Variants in RGS7 observed in about 807,000 individuals in gnomAD.
RGS7 encodes the protein regulator of G protein signaling 7, also known as regulator of G-protein signaling 7.
In RGS7, 27 loss-of-function variants were observed where a neutral mutation model predicts 81.1. The observed-to-expected ratio is 0.33, with a 90% CI of 0.25 to 0.46. The LOEUF is 0.46. RGS7 is among the 20% of genes least tolerant of loss of function. The probability of loss-of-function intolerance (pLI) is 1.00; values close to 1 mark genes in which losing one functional copy is unlikely to be tolerated. For missense variants in RGS7, 396 were observed against 607.4 expected (o/e 0.65, Z 3.66); for synonymous variants, 208 against 207.7 (o/e 1.00, Z -0.01).
intron 3 of RGS7, among the ~76,000 whole-genome samples, chr1:241,022,065 A>T (rs919613200): frequency 6.6e-6 from 1 of 152,218 alleles, no homozygotes; most frequent in African/African-American, 2.4e-5. Flanking sequence ...CGATGACAAT[A>T]TTATCTGCCA....
At chr1:241,119,442 AG>A (rs2066094820) in intron 2 of RGS7, among the ~76,000 whole-genome samples, 1 of 152,238 alleles carries the variant, frequency 6.6e-6, no homozygotes, top group Non-Finnish European at 1.5e-5. Context: ...AAAACTCCAC[AG>A]GTAGTAGTCA....
intron 6 of RGS7, among the ~76,000 whole-genome samples, chr1:240,915,049 C>T (rs1205499603): frequency 1.3e-5 from 2 of 152,190 alleles, no homozygotes; most frequent in Non-Finnish European, 2.9e-5. Flanking sequence ...CTTTTACTTC[C>T]AGGAGCCCTA....
intron 4 of RGS7, among the ~76,000 whole-genome samples, chr1:240,965,363 G>GC (rs1197022030): frequency 6.6e-6 from 1 of 152,138 alleles, no homozygotes; most frequent in Non-Finnish European, 1.5e-5. Flanking sequence ...CAGTTTGCTT[G>GC]CATCTTTTTC....
intron 3 of RGS7, among the ~76,000 whole-genome samples, chr1:241,008,384 C>A (rs2058784006): frequency 6.6e-6 from 1 of 152,098 alleles, no homozygotes; most frequent in African/African-American, 2.4e-5. Context: ...TTGTTAAAAT[C>A]TTGTTCAGAT....
At chr1:240,874,035 T>A (rs1664937444) in intron 6 of RGS7, among the ~76,000 whole-genome samples, 1 of 152,142 alleles carries the variant, frequency 6.6e-6, no homozygotes, top group Non-Finnish European at 1.5e-5. Flanking sequence ...GAACCTTCCT[T>A]AATGAGATTA....
At chr1:241,254,916 C>A (rs2076993688) in intron 2 of RGS7, among the ~76,000 whole-genome samples, 1 of 152,104 alleles carries the variant, frequency 6.6e-6, no homozygotes, top group African/African-American at 2.4e-5. Flanking sequence ...GCTGAAACAC[C>A]CACTACATAG....
chr1:241,197,632 T>C (rs187865985), intron 2 of RGS7, among the ~76,000 whole-genome samples: 13 of 151,992 alleles, frequency 8.6e-5, no homozygotes, highest in Admixed American at 6.6e-4. Context: ...TCCATAATGA[T>C]AGAACAGTCA....
At chr1:241,105,017 G>A (rs2065014523) in intron 2 of RGS7, among the ~76,000 whole-genome samples, 1 of 152,040 alleles carries the variant, frequency 6.6e-6, no homozygotes, top group African/African-American at 2.4e-5. Flanking sequence ...TTTTTTCTTT[G>A]TATGTAACTT....
chr1:240,782,873 T>C (rs1684366666), intron 18 of RGS7, among the ~76,000 whole-genome samples: 1 of 152,334 alleles, frequency 6.6e-6, no homozygotes, highest in Non-Finnish European at 1.5e-5. Flanking sequence ...TGATTACATA[T>C]GTGTTATGTG....
intron 3 of RGS7, among the ~76,000 whole-genome samples, chr1:241,072,840 T>G: frequency 6.6e-6 from 1 of 152,132 alleles, no homozygotes; most frequent in East Asian, 1.9e-4. Flanking sequence ...TAGGCATGTA[T>G]TTACATGCCT....
chr1:240,794,757 C>T (rs1686702383), intron 18 of RGS7, among the ~76,000 whole-genome samples: 1 of 152,146 alleles, frequency 6.6e-6, no homozygotes, highest in Admixed American at 6.5e-5. Context: ...GGCTGTGATT[C>T]CCAGACGTGG....
At chr1:241,266,214 C>T (rs1368963437) in intron 2 of RGS7, among the ~76,000 whole-genome samples, 1 of 152,172 alleles carries the variant, frequency 6.6e-6, no homozygotes, top group Non-Finnish European at 1.5e-5. Flanking sequence ...AGAACGAGGG[C>T]CACTTGCCAT....
chr1:241,314,250 C>G (rs1050654904), intron 2 of RGS7, among the ~76,000 whole-genome samples: 1 of 152,164 alleles, frequency 6.6e-6, no homozygotes, highest in African/African-American at 2.4e-5. Flanking sequence ...TCAATCAATG[C>G]GGCTCACTTC....
chr1:241,136,543 GGCACTGC>G (rs2067529992), intron 2 of RGS7, among the ~76,000 whole-genome samples: 1 of 152,132 alleles, frequency 6.6e-6, no homozygotes, highest in South Asian at 2.1e-4. Flanking sequence ...GGGGCCACGT[GGCACTGC>G]GCACCGATCT....
chr1:240,828,318 G>C (rs1190444086), intron 9 of RGS7, among the ~76,000 whole-genome samples: 1 of 152,114 alleles, frequency 6.6e-6, no homozygotes, highest in Non-Finnish European at 1.5e-5. Flanking sequence ...AAGAAGAGGG[G>C]AAGGGAGAGA....
chr1:240,831,500 C>T (rs150564883), intron 9 of RGS7, among the ~76,000 whole-genome samples: 4 of 152,174 alleles, frequency 2.6e-5, no homozygotes, highest in East Asian at 1.9e-4. Context: ...AATGAAGGCA[C>T]GAGCCCTATC....
chr1:240,940,405 G>C lies in RGS7; in HGVS notation c.227-3699C>G, dbSNP rs112549522. ...TCTCCAGATCCACAGAAGAGCTTAG[G>C]GGGGTTGCAGATGATCTCTGACTTC... On this transcript the variant is annotated intron_variant, in intron 4 of 18. Transcript: ENST00000440928. Among the ~76,000 whole-genome samples the C allele has an allele frequency of 5.0e-3, 766 of 152,256 alleles. 5 individuals are homozygous for C. Among genetic ancestry groups the C allele is most frequent in the African/African-American group, 0.015 (638 of 41,540 alleles).
At chr1:241,061,055 G>T (rs74896716) in intron 3 of RGS7, among the ~76,000 whole-genome samples, 1 of 152,124 alleles carries the variant, frequency 6.6e-6, no homozygotes, top group Non-Finnish European at 1.5e-5. Context: ...AATAAACTGC[G>T]TGAGCATCAG....
chr1:241,104,690 CA>C (rs561342180), intron 2 of RGS7, among the ~76,000 whole-genome samples: 1 of 152,256 alleles, frequency 6.6e-6, no homozygotes, highest in South Asian at 2.1e-4. Context: ...GTGTATTTTA[CA>C]AAGTAATTTT....
Sources: gnomAD v4.1 joint callset for allele counts (sites outside exome capture counted in the v4.1 genomes callset) on GRCh38, gnomAD v4.1.1 for gene constraint, MANE v1.5 for transcripts, NCBI Gene and HGNC (gene_info 2026-07-23, HGNC 2026-07-21) for gene names.